The following PHF21B variants were observed in gnomAD, a reference collection of about 807,000 sequenced individuals.
The protein encoded by PHF21B is PHD finger protein 21B.
PHF21B carries 22 observed loss-of-function variants against 62.2 expected under a neutral mutation model. The observed-to-expected ratio is 0.35, with a 90% CI of 0.25 to 0.51. The LOEUF is 0.51. Among genes scored for constraint, PHF21B ranks in the 20% least tolerant of loss-of-function variants. The probability of loss-of-function intolerance (pLI) is 0.97; values close to 1 mark genes in which losing one functional copy is unlikely to be tolerated. For synonymous variants in PHF21B, 341 were observed against 314.7 expected, an observed-to-expected ratio of 1.08 and a Z score of -0.88; for missense variants, 701 against 707.9, an observed-to-expected ratio of 0.99 and a Z score of 0.11.
intron 5 of PHF21B, among the ~76,000 whole-genome samples, chr22:44,902,906 G>A (rs898262609): frequency 6.6e-6 from 1 of 152,226 alleles, no homozygotes; most frequent in Non-Finnish European, 1.5e-5. Context: ...AGGTGGGAAA[G>A]GGATTACATT....
Position 44,920,434 on chromosome 22 carries a change from C to T in PHF21B, c.177G>A (p.Gln59=), listed in dbSNP as rs780671181. ...CTGCCGCTCCTTGCCCGGCCAACCT[C>T]TGCAAGGAGCTGACCTGAGGACCCG... ...PVTGPQVSSL[Q]RLAGQGAAVL... is the part of the protein sequence containing the mutation. The change falls in exon 3 of 13, where the codon CAG becomes CAA. Residue 59 remains glutamine, a synonymous_variant. Coordinates refer to ENST00000313237, the MANE Select transcript of PHF21B (RefSeq NM_138415.5). The T allele has an allele frequency of 6.2e-7, 1 of 1,612,788 alleles. No individual in the cohort carries two copies. Among genetic ancestry groups the T allele is most frequent in the African/African-American group, 1.3e-5 (1 of 74,908 alleles).
chr22:44,959,576 A>G (rs1241912360), intron 2 of PHF21B, among the ~76,000 whole-genome samples: 1 of 152,082 alleles, frequency 6.6e-6, no homozygotes, highest in East Asian at 1.9e-4. Context: ...TGCTCCTACC[A>G]CGGAGAGGAA....
At chr22:44,958,521 C>T (rs1601644699) in intron 2 of PHF21B, among the ~76,000 whole-genome samples, 2 of 152,134 alleles carry the variant, frequency 1.3e-5, no homozygotes, top group South Asian at 4.2e-4. Flanking sequence ...CAACTTCTCT[C>T]ACCTAGTCCC....
intron 2 of PHF21B, among the ~76,000 whole-genome samples, chr22:44,964,059 G>C (rs753512684): frequency 6.6e-6 from 1 of 152,194 alleles, no homozygotes; most frequent in African/African-American, 2.4e-5. Flanking sequence ...TGGAAGCCTC[G>C]GCTTCCTTCT....
At chr22:44,979,771 A>G (rs1170302698) in intron 2 of PHF21B, among the ~76,000 whole-genome samples, 2 of 152,204 alleles carry the variant, frequency 1.3e-5, no homozygotes, top group African/African-American at 2.4e-5. Flanking sequence ...TCATTGAGGT[A>G]AAACCATTGA....
chr22:44,942,378 G>T (rs1335656306), intron 2 of PHF21B, among the ~76,000 whole-genome samples: 1 of 152,166 alleles, frequency 6.6e-6, no homozygotes, highest in African/African-American at 2.4e-5. Context: ...ACACAGCTCG[G>T]GGACAAGAGA....
chr22:44,917,576 C>T (rs1161549124), intron 3 of PHF21B, among the ~76,000 whole-genome samples: 10 of 152,180 alleles, frequency 6.6e-5, no homozygotes, highest in African/African-American at 9.7e-5. Context: ...ATCTGAACCC[C>T]GCTGCGCTCG....
At chr22:44,966,336 G>GT (rs2072524901) in intron 2 of PHF21B, among the ~76,000 whole-genome samples, 1 of 152,224 alleles carries the variant, frequency 6.6e-6, no homozygotes, top group East Asian at 1.9e-4. Context: ...ACCTTGTCGG[G>GT]TGCAGGCACT....
chr22:44,984,059 T>A (rs1309089669), intron 2 of PHF21B, among the ~76,000 whole-genome samples: 1 of 113,050 alleles, frequency 8.8e-6, no homozygotes, highest in Non-Finnish European at 1.9e-5. Flanking sequence ...ATCACTATCA[T>A]CATCATCACC....
At chr22:44,894,017 T>G (rs1050114049) in intron 6 of PHF21B, among the ~76,000 whole-genome samples, 2 of 152,200 alleles carry the variant, frequency 1.3e-5, no homozygotes, top group Non-Finnish European at 2.9e-5. Context: ...AGAGGGGGCA[T>G]GGCCACACTG....
chr22:44,890,348 A>G (rs2070941352), intron 8 of PHF21B, among the ~76,000 whole-genome samples: 1 of 152,222 alleles, frequency 6.6e-6, no homozygotes, highest in Admixed American at 6.5e-5. Context: ...ACCAAACCAC[A>G]CATTTTAATG....
intron 2 of PHF21B, among the ~76,000 whole-genome samples, chr22:44,992,920 T>G (rs2073064499): frequency 6.6e-6 from 1 of 152,144 alleles, no homozygotes. Flanking sequence ...CAGTAGAGCC[T>G]CGTCCCCATT....
intron 2 of PHF21B, among the ~76,000 whole-genome samples, chr22:44,961,368 G>A (rs189903777): frequency 7.0e-4 from 106 of 152,226 alleles, no homozygotes; most frequent in Middle Eastern, 3.4e-3. Context: ...TGTCACCCAG[G>A]TAGTGAGCAC....
At position 44,913,737 on chromosome 22, in the gene PHF21B, G is replaced by C. The variant is rs879558745; in HGVS notation, c.831+85C>G. 3.9e-4 allele frequency: 579 copies of C among 1,481,424 alleles called. 1 individual carries two copies. The highest frequency in any genetic ancestry group is 4.6e-4 in the Non-Finnish European group (514 of 1,118,256). 91.8% of individuals were successfully genotyped at this position (1,481,424 alleles called of 1,614,324 possible). A position where few individuals can be genotyped will look rare whatever the true frequency, so the allele number is the denominator to read the frequency against. On this transcript the variant is annotated intron_variant, in intron 5 of 12. Coordinates refer to ENST00000313237, the MANE Select transcript of PHF21B (RefSeq NM_138415.5). ...CGGCTTGTCGGGACCACCCCACAGT[G>C]AGGCCATCCCCGCTATACACAGCGG...
chr22:45,003,645 A>C (rs1181083710), intron 2 of PHF21B: 1 of 152,284 alleles, frequency 6.6e-6, no homozygotes, highest in Non-Finnish European at 1.5e-5. Context: ...CTGTGACCTC[A>C]TTCACATTCT....
intron 2 of PHF21B, among the ~76,000 whole-genome samples, chr22:44,922,510 T>C (rs757222876): frequency 3.7e-4 from 57 of 152,126 alleles, no homozygotes; most frequent in Non-Finnish European, 6.0e-4. Flanking sequence ...CACATGCCTC[T>C]AATCCCAGCT....
chr22:45,009,760 C>T lies in PHF21B; in HGVS notation c.-211G>A. On this transcript the variant is annotated 5_prime_UTR_variant, in exon 1 of 13. Transcript: ENST00000313237. The surrounding 1 kb of genome is among the most constrained non-coding windows in gnomAD (Gnocchi z 5.9). ...CGCCGCGGCGCCGAGCCCTCGGCTG[C>T]CCCAACTCCTCAGGCTGCCCGGCAA... 2.5e-6 allele frequency: 1 copy of T among 403,158 alleles called. No homozygotes were observed. The highest frequency in any genetic ancestry group is 4.4e-6 in the Non-Finnish European group (1 of 226,652). The allele number at this position is 403,158 out of a possible 1,614,324, so 25.0% of individuals were successfully genotyped here.
intron 2 of PHF21B, among the ~76,000 whole-genome samples, chr22:44,968,354 T>G (rs1160030142): frequency 6.6e-6 from 1 of 152,154 alleles, no homozygotes; most frequent in African/African-American, 2.4e-5. Context: ...CCGAAATGCT[T>G]GGGATAAGGC....
intron 2 of PHF21B, among the ~76,000 whole-genome samples, chr22:44,992,753 G>A (rs898399338): frequency 1.3e-5 from 2 of 152,134 alleles, no homozygotes; most frequent in East Asian, 1.9e-4. Flanking sequence ...GTGATGTGGC[G>A]GGGTGGGGGA....
Sources: allele counts gnomAD v4.1 joint callset (sites outside exome capture counted in the v4.1 genomes callset), GRCh38; gene constraint gnomAD v4.1.1; non-coding constraint Gnocchi (gnomAD v3.1); transcripts MANE v1.5; gene names NCBI Gene and HGNC (gene_info 2026-07-23, HGNC 2026-07-21).